Variants in PPP2R1A observed in about 807,000 individuals in gnomAD.
PPP2R1A encodes serine/threonine-protein phosphatase 2A 65 kDa regulatory subunit A alpha isoform.
Under a neutral mutation model 67.1 loss-of-function variants are expected in PPP2R1A, and 15 were observed. That is an observed-to-expected ratio of 0.22 (90% CI 0.15 to 0.34). The LOEUF is 0.34. Ranked by LOEUF, PPP2R1A falls within the 10% of genes least tolerant of loss-of-function variation. The pLI is 1.00. For synonymous variants in PPP2R1A, 337 were observed against 325.0 expected (o/e 1.04, Z -0.40); for missense variants, 369 against 775.0 (o/e 0.48, Z 6.22).
At chr19:52,192,769 A>G (rs2089466346) in intron 1 of PPP2R1A, among the ~76,000 whole-genome samples, 2 of 152,108 alleles carry the variant, frequency 1.3e-5, no homozygotes, top group Admixed American at 6.6e-5. Flanking sequence ...TATTCTAAAG[A>G]ATATTGCAAA....
intron 1 of PPP2R1A, 164 bp downstream of exon 1, chr19:52,190,338 C>A: frequency 1.2e-6 from 1 of 802,092 alleles, no homozygotes; most frequent in Non-Finnish European, 2.0e-6. Flanking sequence ...CTTGAGACGG[C>A]GCTCCCGATT....
chr19:52,225,949 G>C lies in PPP2R1A; in HGVS notation c.1754-16G>C. 1 of 1,614,208 alleles carries C rather than the reference G, an allele frequency of 6.2e-7. No homozygotes were observed. The highest frequency in any genetic ancestry group is 8.5e-7 in the Non-Finnish European group (1 of 1,180,032). ...AGGGCTCTGGTTCTGATTCTTGCCT[G>C]TTCCTGTTTTCCTAGTTCTGTCTCT... On this transcript the variant is annotated splice_polypyrimidine_tract_variant and intron_variant, in intron 14 of 14. Coordinates refer to ENST00000322088, the MANE Select transcript of PPP2R1A (RefSeq NM_014225.6).
At chr19:52,197,985 G>A (rs998270354) in intron 1 of PPP2R1A, among the ~76,000 whole-genome samples, 1 of 152,214 alleles carries the variant, frequency 6.6e-6, no homozygotes, top group African/African-American at 2.4e-5. Flanking sequence ...CAGCTGCCAC[G>A]ATGTCCTTCT....
chr19:52,195,488 C>T (rs1329846004), intron 1 of PPP2R1A, among the ~76,000 whole-genome samples: 1 of 152,294 alleles, frequency 6.6e-6, no homozygotes, highest in African/African-American at 2.4e-5. Context: ...AGTTCAGACA[C>T]GACCTGGAGA....
chr19:52,198,602 C>A (rs1481671902), intron 1 of PPP2R1A, among the ~76,000 whole-genome samples: 1 of 152,192 alleles, frequency 6.6e-6, no homozygotes, highest in Non-Finnish European at 1.5e-5. Flanking sequence ...CGTGCCATCC[C>A]TGGGGATGCC....
At chr19:52,195,483 A>G (rs1447891216) in intron 1 of PPP2R1A, among the ~76,000 whole-genome samples, 1 of 152,206 alleles carries the variant, frequency 6.6e-6, no homozygotes, top group Non-Finnish European at 1.5e-5. Context: ...AATTCAGTTC[A>G]GACACGACCT....
At chr19:52,224,339 G>A (rs1244311730) in intron 13 of PPP2R1A, among the ~76,000 whole-genome samples, 2 of 152,190 alleles carry the variant, frequency 1.3e-5, no homozygotes, top group Non-Finnish European at 2.9e-5. Flanking sequence ...GGATTTCCCT[G>A]GGCCCCATAG....
Position 52,226,252 on chromosome 19 carries a change from A to G in PPP2R1A, c.*271A>G. The G allele has an allele frequency of 2.0e-6, 1 of 510,054 alleles. No homozygotes were observed. The highest frequency in any genetic ancestry group is 3.5e-6 in the Non-Finnish European group (1 of 288,890). 31.6% of individuals were successfully genotyped at this position (510,054 alleles called of 1,614,324 possible). ...GCCCACGTCAGGGAGAGATGTGAGCATCCCGGGTCACTGGATCCTGCTGCT... is the reference window on the plus strand; with the variant it reads ...GCCCACGTCAGGGAGAGATGTGAGCGTCCCGGGTCACTGGATCCTGCTGCT... On this transcript the variant is annotated 3_prime_UTR_variant, in exon 15 of 15. Transcript: ENST00000322088.
In PPP2R1A at chr19:52,203,252, TCTGA is replaced by T. The variant is rs1276000376; in HGVS notation, c.169+1222_169+1225del. On this transcript the variant is annotated intron_variant, in intron 2 of 14. Transcript: ENST00000322088. ...CTAGTGACTGAGGGGTGCAGGTGTGTCTGACTGGATGGTGCATGAAGAGTAGGTG... is the reference window on the plus strand; with the variant it reads ...CTAGTGACTGAGGGGTGCAGGTGTGTCTGGATGGTGCATGAAGAGTAGGTG... Among the ~76,000 whole-genome samples, 8 of 152,232 alleles carry T rather than the reference TCTGA, an allele frequency of 5.3e-5. No individual in the cohort carries two copies. The South Asian group carries it at 6.2e-4, about 12-fold the overall frequency.
In PPP2R1A at chr19:52,219,996, G is replaced by A; in HGVS notation, c.1302+132G>A. Reference sequence around the variant, plus strand: ...ACAACTGCCTGGGGAGTCGAAGGAAGGGACCCAGGAAATAGGGCCTTAAAA... The same window carrying A: ...ACAACTGCCTGGGGAGTCGAAGGAAAGGACCCAGGAAATAGGGCCTTAAAA... On this transcript the variant is annotated intron_variant, in intron 10 of 14. Coordinates refer to ENST00000322088, the MANE Select transcript of PPP2R1A (RefSeq NM_014225.6). This position sits in a 1 kb window ranked among gnomAD's most constrained non-coding sequence, Gnocchi z 4.0. 2 of 1,294,706 alleles carry A rather than the reference G, an allele frequency of 1.5e-6. No individual in the cohort carries two copies. The highest frequency in any genetic ancestry group is 1.5e-5 in the African/African-American group (1 of 67,248). The allele number at this position is 1,294,706 out of a possible 1,614,324, so 80.2% of individuals were successfully genotyped here.
chr19:52,194,386 C>G (rs1410813229), intron 1 of PPP2R1A, among the ~76,000 whole-genome samples: 1 of 152,106 alleles, frequency 6.6e-6, no homozygotes, highest in Admixed American at 6.5e-5. Flanking sequence ...TAGACCAGGA[C>G]TAGATCAAGT....
rs2089691761 is a variant in PPP2R1A, at chr19:52,213,316, A to T, written c.807+206A>T. Among the ~76,000 whole-genome samples, 1 of 152,094 alleles carries T rather than the reference A, an allele frequency of 6.6e-6. No homozygotes were observed. Among genetic ancestry groups the T allele is most frequent in the Non-Finnish European group, 1.5e-5 (1 of 68,030 alleles). Reference sequence around the variant, plus strand: ...GCATCTTAAAGTGCTGCCTTGAGAAAGATTCTGAGGCAAAGTTAAGGCTAC... The same window carrying T: ...GCATCTTAAAGTGCTGCCTTGAGAATGATTCTGAGGCAAAGTTAAGGCTAC... On this transcript the variant is annotated intron_variant, in intron 6 of 14. Transcript: ENST00000322088. This position sits in a 1 kb window ranked among gnomAD's most constrained non-coding sequence, Gnocchi z 4.2.
At chr19:52,222,804 G>A (rs1490123516) in intron 13 of PPP2R1A, among the ~76,000 whole-genome samples, 1 of 152,180 alleles carries the variant, frequency 6.6e-6, no homozygotes, top group Non-Finnish European at 1.5e-5. Context: ...TTGAATCCAG[G>A]AGGTGGAGGT....
Position 52,212,632 on chromosome 19 carries a change from G to A in PPP2R1A, c.504-54G>A, listed in dbSNP as rs931679672. 3 of 1,591,826 alleles carry A rather than the reference G, an allele frequency of 1.9e-6. No individual in the cohort carries two copies. In the Admixed American group the frequency reaches 5.1e-5, roughly 27 times the overall value. ...CCACACAACTGCAGAGTCTGTGCTT[G>A]CTCCTCTCTGCCATACTGCCTGCTG... is the stretch of plus-strand genomic sequence containing the variant. On this transcript the variant is annotated intron_variant, in intron 4 of 14. Coordinates refer to ENST00000322088, the MANE Select transcript of PPP2R1A (RefSeq NM_014225.6). The surrounding 1 kb of genome is among the most constrained non-coding windows in gnomAD (Gnocchi z 4.1).
rs886777391 is a variant in PPP2R1A at position 52,211,152 on chromosome 19, G to C, written c.271-108G>C. The C allele has an allele frequency of 1.1e-5, 11 of 1,012,504 alleles. No individual in the cohort carries two copies. The highest frequency in any genetic ancestry group is 1.6e-5 in the Non-Finnish European group (11 of 690,032). 62.7% of individuals were successfully genotyped at this position (1,012,504 alleles called of 1,614,324 possible). ...TTAATGAAGGTCGGGATGGGTAATA[G>C]GGAAGTTTTCTCTGAGGAGATGAGC... On this transcript the variant is annotated intron_variant, in intron 3 of 14. Coordinates refer to ENST00000322088, the MANE Select transcript of PPP2R1A (RefSeq NM_014225.6). The surrounding 1 kb of genome is among the most constrained non-coding windows in gnomAD (Gnocchi z 5.3).
rs73056125 is a variant in PPP2R1A, at chr19:52,213,912, C to T, written c.807+802C>T. ...GATCCAGATTGCCTCATCCCACAAA[C>T]ATGTTTGCTGAGCACCAGCTATTTG... On this transcript the variant is annotated intron_variant, in intron 6 of 14. Coordinates refer to ENST00000322088, the MANE Select transcript of PPP2R1A (RefSeq NM_014225.6). The surrounding 1 kb of genome is among the most constrained non-coding windows in gnomAD (Gnocchi z 4.2). 0.012 allele frequency among the ~76,000 whole-genome samples: 1,753 copies of T among 152,252 alleles called. 24 individuals are homozygous for T. The highest frequency in any genetic ancestry group is 0.021 in the Non-Finnish European group (1,396 of 68,020).
Position 52,213,157 on chromosome 19 carries a change from A to G in PPP2R1A, c.807+47A>G, listed in dbSNP as rs745317797. ...TTGTCCCACTGGTGGGGACACTGAC[A>G]CTCTCAGAAGGGAAGCATATAGGAG... On this transcript the variant is annotated intron_variant, in intron 6 of 14. Transcript: ENST00000322088. The surrounding 1 kb of genome is among the most constrained non-coding windows in gnomAD (Gnocchi z 4.2). The G allele has an allele frequency of 2.7e-6, 4 of 1,501,646 alleles. No homozygotes were observed. The highest frequency in any genetic ancestry group is 3.5e-6 in the Non-Finnish European group (4 of 1,132,202). The allele number at this position is 1,501,646 out of a possible 1,614,324, so 93.0% of individuals were successfully genotyped here.
At chr19:52,208,294 G>A (rs150862662) in intron 3 of PPP2R1A, among the ~76,000 whole-genome samples, 9 of 150,234 alleles carry the variant, frequency 6.0e-5, no homozygotes, top group East Asian at 2.0e-4. Context: ...TCAGCCTCAC[G>A]AGTAGCTGAG....
At chr19:52,222,431 AAG>A (rs1978995538) in intron 13 of PPP2R1A, 190 bp downstream of exon 13, 2 of 819,910 alleles carry the variant, frequency 2.4e-6, no homozygotes, top group Admixed American at 3.8e-5. Context: ...ATGAAATAGA[AAG>A]AGGGGGTGAT....
Sources: allele counts gnomAD v4.1 joint callset (sites outside exome capture counted in the v4.1 genomes callset), GRCh38; gene constraint gnomAD v4.1.1; non-coding constraint Gnocchi (gnomAD v3.1); transcripts MANE v1.5; gene names NCBI Gene and HGNC (gene_info 2026-07-23, HGNC 2026-07-21).